C14orf93: variants seen among roughly 807,000 people sequenced by gnomAD.
C14orf93 encodes uncharacterized protein C14orf93.
C14orf93 carries 23 observed loss-of-function variants against 44.0 expected under a neutral mutation model. The observed-to-expected ratio is 0.52, with a 90% CI of 0.38 to 0.74. The LOEUF is 0.74. C14orf93 is among the 30% of genes least tolerant of loss of function. The pLI, the probability that C14orf93 is intolerant of heterozygous loss-of-function variation, is 0.00. For missense variants in C14orf93, 579 were observed against 678.9 expected, an observed-to-expected ratio of 0.85 and a Z score of 1.64; for synonymous variants, 253 against 265.7, an observed-to-expected ratio of 0.95 and a Z score of 0.46.
chr14:22,999,086 C>T lies in C14orf93; in HGVS notation c.-63G>A, dbSNP rs191621232. On this transcript the variant is annotated 5_prime_UTR_variant, in exon 2 of 7. Coordinates refer to ENST00000299088, the MANE Select transcript of C14orf93 (RefSeq NM_021944.4). ...GGCCGCTCCAACAGGTAGGAAGCATCAACTTCTCTGGACTCACTTTCCTTT... is the reference window on the plus strand; with the variant it reads ...GGCCGCTCCAACAGGTAGGAAGCATTAACTTCTCTGGACTCACTTTCCTTT... 8.2e-5 allele frequency: 125 copies of T among 1,533,248 alleles called. 2 individuals carry two copies. The South Asian group carries it at 1.5e-3, about 19-fold the overall frequency. 95.0% of individuals were successfully genotyped at this position (1,533,248 alleles called of 1,614,324 possible).
chr14:22,998,689 C>A lies in C14orf93; in HGVS notation c.335G>T (p.Gly112Val), dbSNP rs1247894369. 1.2e-6 allele frequency: 2 copies of A among 1,614,250 alleles called. No homozygotes were observed. The highest frequency in any genetic ancestry group is 2.2e-5 in the South Asian group (2 of 91,084). Residue 112 changes from glycine (G) to valine (V), a missense_variant, in exon 2 of 7, where the codon GGG (glycine) becomes GTG (valine). Gly to Val is a moderately radical substitution (Grantham distance 109). Coordinates refer to ENST00000299088, the MANE Select transcript of C14orf93 (RefSeq NM_021944.4). Reference protein sequence around the residue: ...QGKVSIPDEDGESRAHSSPPE... With the variant: ...QGKVSIPDEDVESRAHSSPPE... ...TGGGGAACTATGTGCCCGGCTTTCC[C>A]CATCTTCATCAGGGATGGACACTTT...
At chr14:23,002,148 CAAA>C (rs74577400) in intron 1 of C14orf93, among the ~76,000 whole-genome samples, 2 of 62,038 alleles carry the variant, frequency 3.2e-5, no homozygotes. Flanking sequence ...GATTCCGTCT[CAAA>C]AAAAAAAAAA....
chr14:22,993,755 G>A (rs2045802028), intron 3 of C14orf93: 2 of 152,204 alleles, frequency 1.3e-5, no homozygotes, highest in Admixed American at 1.3e-4. Flanking sequence ...GAGTGGCTGG[G>A]ATCTGCAGCA....
In C14orf93 at chr14:22,996,767, A is replaced by G. The variant is rs535066397; in HGVS notation, c.598-499T>C. On this transcript the variant is annotated intron_variant, in intron 2 of 6. Coordinates refer to ENST00000299088, the MANE Select transcript of C14orf93 (RefSeq NM_021944.4). This position sits in a 1 kb window ranked among gnomAD's most constrained non-coding sequence, Gnocchi z 4.1. ...CAACAGCTCCCCTCACCTATCCTCC[A>G]TTCCCAGAGTCAGTCCATGCCCTCA... 6.2e-4 allele frequency among the ~76,000 whole-genome samples: 94 copies of G among 152,258 alleles called. No individual in the cohort carries two copies. Among genetic ancestry groups the G allele is most frequent in the Non-Finnish European group, 1.2e-3 (79 of 68,012 alleles).
At chr14:23,003,890 ATATATATATTTTTTTTTTTT>A (rs1239522128) in intron 1 of C14orf93, among the ~76,000 whole-genome samples, 14 of 15,504 alleles carry the variant, frequency 9.0e-4, no homozygotes, top group Admixed American at 2.2e-3. Flanking sequence ...ATATATATAT[ATATATATATTTTTTTTTTTT>A]TTTTTTTTTT....
chr14:23,007,414 A>G (rs531383137), intron 1 of C14orf93, among the ~76,000 whole-genome samples: 5 of 152,262 alleles, frequency 3.3e-5, no homozygotes, highest in African/African-American at 1.2e-4. Context: ...ACACGATTAT[A>G]AGCACAGTGG....
intron 1 of C14orf93, among the ~76,000 whole-genome samples, chr14:23,000,775 TTTC>T (rs926277911): frequency 1.4e-4 from 21 of 151,314 alleles, no homozygotes; most frequent in Middle Eastern, 6.8e-3. Context: ...TATTGAGGGT[TTTC>T]TTTTTTCTTT....
chr14:22,994,899 G>T (rs139893153), intron 3 of C14orf93, among the ~76,000 whole-genome samples: 9 of 152,252 alleles, frequency 5.9e-5, no homozygotes, highest in African/African-American at 2.2e-4. Context: ...ACACCCACTA[G>T]ATGTCAGTAG....
At chr14:23,007,095 G>A (rs1035386149) in intron 1 of C14orf93, 31 of 152,284 alleles carry the variant, frequency 2.0e-4, no homozygotes, top group African/African-American at 7.2e-4. Context: ...CTAGGCAGAG[G>A]CGGAGGCGGG....
chr14:22,995,418 G>A (rs574119752), intron 3 of C14orf93, among the ~76,000 whole-genome samples: 5 of 152,266 alleles, frequency 3.3e-5, no homozygotes, highest in African/African-American at 9.6e-5. Context: ...GGTGGCTCAC[G>A]CCTGTAATCC....
chr14:22,987,651 G>A lies in C14orf93; in HGVS notation c.1198-17C>T. The A allele has an allele frequency of 1.3e-6, 2 of 1,560,726 alleles. No individual in the cohort carries two copies. The highest frequency in any genetic ancestry group is 1.7e-6 in the Non-Finnish European group (2 of 1,155,806). Reference sequence around the variant, plus strand: ...GGCAAAAAGCTAAGGCAGGAACCCAGGAGATAGATTAGGAAGGTAAACATT... The same window carrying A: ...GGCAAAAAGCTAAGGCAGGAACCCAAGAGATAGATTAGGAAGGTAAACATT... On this transcript the variant is annotated splice_polypyrimidine_tract_variant and intron_variant, in intron 6 of 6. Coordinates refer to ENST00000299088, the MANE Select transcript of C14orf93 (RefSeq NM_021944.4). This position sits in a 1 kb window ranked among gnomAD's most constrained non-coding sequence, Gnocchi z 5.6.
chr14:22,990,126 T>C lies in C14orf93; in HGVS notation c.920A>G (p.Lys307Arg). Residue 307 changes from lysine to arginine, a missense_variant and splice_region_variant, in exon 4 of 7, where the codon AAA (lysine) becomes AGA (arginine). Lys to Arg is a conservative substitution (Grantham distance 26). Transcript: ENST00000299088. ...SRRKRDLVLS[K>R]LVHNVHNHIT... ...GTGGTTATGCACATTGTGGACCAGT[T>C]TCTAGGAGGAAAAAAAGAAAACACA... The C allele has an allele frequency of 6.2e-7, 1 of 1,612,702 alleles. No individual in the cohort carries two copies. The highest frequency in any genetic ancestry group is 8.5e-7 in the Non-Finnish European group (1 of 1,179,060).
At chr14:23,007,583 G>A (rs921300636) in intron 1 of C14orf93, among the ~76,000 whole-genome samples, 1 of 152,198 alleles carries the variant, frequency 6.6e-6, no homozygotes, top group African/African-American at 2.4e-5. Flanking sequence ...AAAATCAACA[G>A]AGTTTAGTTT....
rs2045982874 is a variant in C14orf93, at chr14:22,996,503, A to G, written c.598-235T>C. Among the ~76,000 whole-genome samples the G allele has an allele frequency of 6.6e-6, 1 of 152,142 alleles. No homozygotes were observed. Among genetic ancestry groups the G allele is most frequent in the Non-Finnish European group, 1.5e-5 (1 of 68,026 alleles). ...TTACCATAGGGCTGCTCACAAGGAG[A>G]AAGCATGTTTCTGACACTGTTGGTG... is the stretch of plus-strand genomic sequence containing the variant. On this transcript the variant is annotated intron_variant, in intron 2 of 6. Transcript: ENST00000299088. This position sits in a 1 kb window ranked among gnomAD's most constrained non-coding sequence, Gnocchi z 4.1.
chr14:22,999,272 C>G lies in C14orf93; in HGVS notation c.-249G>C. 1 of 443,980 alleles carries G rather than the reference C, an allele frequency of 2.3e-6. No homozygotes were observed. Among genetic ancestry groups the G allele is most frequent in the South Asian group, 3.7e-5 (1 of 27,360 alleles). 27.5% of individuals were successfully genotyped at this position (443,980 alleles called of 1,614,324 possible). A position where few individuals can be genotyped will look rare whatever the true frequency, so the allele number is the denominator to read the frequency against. ...TTGCAGATCCTGTGCTCTCCTAGCA[C>G]ATCACAAATCAAGGCCTTCCTGATG... is the stretch of plus-strand genomic sequence containing the variant. On this transcript the variant is annotated 5_prime_UTR_variant, in exon 2 of 7. The change abolishes an upstream ATG in the 5' untranslated region. Transcript: ENST00000299088.
At chr14:23,006,625 C>T (rs1264582197) in intron 1 of C14orf93, 1 of 152,218 alleles carries the variant, frequency 6.6e-6, no homozygotes, top group Non-Finnish European at 1.5e-5. Flanking sequence ...AAAGTAGCTC[C>T]TAGAACTCGT....
At chr14:22,989,350 CA>C (rs879658751) in intron 5 of C14orf93, among the ~76,000 whole-genome samples, 7 of 152,128 alleles carry the variant, frequency 4.6e-5, no homozygotes, top group Admixed American at 3.3e-4. Context: ...CTACAAATAA[CA>C]AAAGAGAGCA....
intron 1 of C14orf93, among the ~76,000 whole-genome samples, chr14:23,007,401 T>A (rs562749502): frequency 6.6e-6 from 1 of 152,338 alleles, no homozygotes; most frequent in Admixed American, 6.5e-5. Flanking sequence ...CAAACCTGTG[T>A]GTACACGATT....
chr14:22,989,845 G>A lies in C14orf93; in HGVS notation c.981C>T (p.Ser327=). The part of the protein sequence containing the change: ...TNDKRFNGSE[S]IKSSWNISVV... ...CTGAAATATTCCAAGAGGACTTGAT[G>A]CTGCCACAAAGAGAAGAGAATGAAT... Residue 327 remains serine, a splice_region_variant and synonymous_variant, in exon 5 of 7, where the codon AGC becomes AGT. Transcript: ENST00000299088. 6.2e-7 allele frequency: 1 copy of A among 1,612,348 alleles called. No individual in the cohort carries two copies. Among genetic ancestry groups the A allele is most frequent in the Non-Finnish European group, 8.5e-7 (1 of 1,178,372 alleles).
Sources: gnomAD v4.1 joint callset for allele counts (sites outside exome capture counted in the v4.1 genomes callset) on GRCh38, gnomAD v4.1.1 for gene constraint, Gnocchi (gnomAD v3.1) non-coding constraint, MANE v1.5 for transcripts, NCBI Gene and HGNC (gene_info 2026-07-23, HGNC 2026-07-21) for gene names.